CDH6: variants seen among roughly 807,000 people sequenced by gnomAD.
CDH6 encodes cadherin 6.
A neutral mutation model predicts 78.0 loss-of-function variants in CDH6; 31 were observed. That is an observed-to-expected ratio of 0.40 (90% CI 0.30 to 0.54). CDH6 has a LOEUF of 0.54. Among genes scored for constraint, CDH6 ranks in the 20% least tolerant of loss-of-function variants. The pLI, the probability that CDH6 is intolerant of heterozygous loss-of-function variation, is 0.56. For synonymous variants in CDH6, 376 were observed against 368.8 expected, an observed-to-expected ratio of 1.02 and a Z score of -0.23; for missense variants, 724 against 975.9, an observed-to-expected ratio of 0.74 and a Z score of 3.44.
At position 31,302,902 on chromosome 5, in the gene CDH6, AAAAAG is replaced by A. The variant is rs1321037599; in HGVS notation, c.999+608_999+612del. On this transcript the variant is annotated intron_variant, in intron 6 of 11. Transcript: ENST00000265071. ...AGGAAGGAAGGAAAGAAAGAAAGAA[AAAAAG>A]AAAGAAAGAAAGAAAGAAAGAAAGA... is the stretch of plus-strand genomic sequence containing the variant. 1.3e-4 allele frequency among the ~76,000 whole-genome samples: 17 copies of A among 135,818 alleles called. No homozygotes were observed. The East Asian group carries it at 2.1e-3, about 17-fold the overall frequency. The allele number at this position is 135,818 out of a possible 152,430, so 89.1% of individuals were successfully genotyped here.
At chr5:31,250,278 G>A (rs1286287369) in intron 1 of CDH6, 1 of 152,326 alleles carries the variant, frequency 6.6e-6, no homozygotes, top group Non-Finnish European at 1.5e-5. Context: ...ACTTGTGCAT[G>A]GCCCCTAGCA....
intron 1 of CDH6, among the ~76,000 whole-genome samples, chr5:31,211,942 G>A (rs1283481570): frequency 6.6e-6 from 1 of 152,116 alleles, no homozygotes; most frequent in Non-Finnish European, 1.5e-5. Context: ...AACCATAAAA[G>A]CTCCATATTT....
At chr5:31,248,002 A>C (rs73758189) in intron 1 of CDH6, among the ~76,000 whole-genome samples, 2,999 of 152,316 alleles carry the variant, frequency 0.02, 118 homozygotes, top group African/African-American at 0.068. Flanking sequence ...AACGTAATTT[A>C]GTTTTAAAAA....
At chr5:31,274,707 C>A (rs2149937209) in intron 2 of CDH6, among the ~76,000 whole-genome samples, 1 of 152,344 alleles carries the variant, frequency 6.6e-6, no homozygotes, top group African/African-American at 2.4e-5. Flanking sequence ...GGAATCCCAG[C>A]TACTCAGGAG....
At chr5:31,264,354 G>C (rs1468825381) in intron 1 of CDH6, among the ~76,000 whole-genome samples, 1 of 152,098 alleles carries the variant, frequency 6.6e-6, no homozygotes, top group Non-Finnish European at 1.5e-5. Context: ...CCAAATGCCA[G>C]GCACTGTTCT....
intron 11 of CDH6, 111 bp from the exon 12 acceptor site, chr5:31,322,706 AT>A: frequency 7.7e-7 from 1 of 1,304,312 alleles, no homozygotes; most frequent in South Asian, 1.5e-5. Flanking sequence ...TTGAGTCTGC[AT>A]TTTCTAGAGA....
chr5:31,305,709 C>T (rs986377547), intron 7 of CDH6, among the ~76,000 whole-genome samples: 4 of 152,188 alleles, frequency 2.6e-5, no homozygotes, highest in African/African-American at 9.7e-5. Flanking sequence ...GGAAATGACA[C>T]AGATTTGCAA....
intron 1 of CDH6, among the ~76,000 whole-genome samples, chr5:31,204,776 T>G (rs1383785219): frequency 6.6e-6 from 1 of 152,210 alleles, no homozygotes; most frequent in Non-Finnish European, 1.5e-5. Context: ...CTAATGTCTA[T>G]AATCTTGTAA....
chr5:31,305,191 G>A lies in CDH6; in HGVS notation c.1017G>A (p.Lys339=). Residue 339 remains lysine, a synonymous_variant, in exon 7 of 12, where the codon AAG becomes AAA. Transcript: ENST00000265071. Reference sequence around the variant, plus strand: ...ACCTCAAGCTCTTGGACTTTGAAAAGAAGAAAGTGTATACCCTTAAAGTGG... The same window carrying A: ...ACCTCAAGCTCTTGGACTTTGAAAAAAAGAAAGTGTATACCCTTAAAGTGG... ...ITVKKLLDFE[K]KKVYTLKVEA... The A allele has an allele frequency of 6.2e-7, 1 of 1,612,552 alleles. No individual in the cohort carries two copies. Among genetic ancestry groups the A allele is most frequent in the Non-Finnish European group, 8.5e-7 (1 of 1,179,360 alleles).
chr5:31,267,427 C>T lies in CDH6; in HGVS notation c.-47C>T, dbSNP rs1315800182. 6.9e-7 allele frequency: 1 copy of T among 1,441,342 alleles called. No homozygotes were observed. The highest frequency in any genetic ancestry group is 1.7e-5 in the Admixed American group (1 of 59,100). The allele number at this position is 1,441,342 out of a possible 1,614,324, so 89.3% of individuals were successfully genotyped here. On this transcript the variant is annotated 5_prime_UTR_variant, in exon 2 of 12. Coordinates refer to ENST00000265071, the MANE Select transcript of CDH6 (RefSeq NM_004932.4). ...ATACGGTGCAGTGAAAAAGGCACTT[C>T]CAAGAGTGGGGCACTCACTACGCAC... is the stretch of plus-strand genomic sequence containing the variant.
intron 7 of CDH6, 80 bp from the exon 8 acceptor site, chr5:31,313,238 C>G (rs1419661966): frequency 7.8e-7 from 1 of 1,288,786 alleles, no homozygotes; most frequent in Non-Finnish European, 1.1e-6. Flanking sequence ...TGATGTGTAC[C>G]AGATGTTTTA....
At chr5:31,304,556 G>A (rs1163604961) in intron 6 of CDH6, among the ~76,000 whole-genome samples, 1 of 151,974 alleles carries the variant, frequency 6.6e-6, no homozygotes, top group African/African-American at 2.4e-5. Context: ...CTGGTGGTGA[G>A]TGCCTGTAGT....
chr5:31,275,373 G>C (rs1005191932), intron 2 of CDH6, among the ~76,000 whole-genome samples: 3 of 151,964 alleles, frequency 2.0e-5, no homozygotes, highest in Admixed American at 1.3e-4. Flanking sequence ...CACTCTAGTA[G>C]TCCCCAGTGC....
chr5:31,318,455 A>G (rs1738390217), intron 11 of CDH6: 1 of 245,940 alleles, frequency 4.1e-6, no homozygotes, highest in African/African-American at 2.2e-5. Context: ...TCTTAGCATT[A>G]CTCTCTGATT....
At chr5:31,262,181 C>T (rs187220801) in intron 1 of CDH6, among the ~76,000 whole-genome samples, 3 of 152,162 alleles carry the variant, frequency 2.0e-5, no homozygotes, top group South Asian at 4.1e-4. Flanking sequence ...CAAAATGGCA[C>T]GTATTAAATA....
In CDH6 at chr5:31,327,003, G is replaced by C. The variant is rs1738639835; in HGVS notation, c.*3695G>C. On this transcript the variant is annotated 3_prime_UTR_variant, in exon 12 of 12. Coordinates refer to ENST00000265071, the MANE Select transcript of CDH6 (RefSeq NM_004932.4). ...GCCACCGCGCCCGGCCTTAAAAATT[G>C]AATCTGTAGCTTAGGCCATCCAAAT... 5.7e-6 allele frequency: 1 copy of C among 174,244 alleles called. No individual in the cohort carries two copies. Among genetic ancestry groups the C allele is most frequent in the Non-Finnish European group, 1.2e-5 (1 of 80,740 alleles). 10.8% of individuals were successfully genotyped at this position (174,244 alleles called of 1,614,324 possible).
chr5:31,208,676 G>T (rs1740607379), intron 1 of CDH6, among the ~76,000 whole-genome samples: 1 of 152,066 alleles, frequency 6.6e-6, no homozygotes, highest in Non-Finnish European at 1.5e-5. Context: ...CTTTTAGTTT[G>T]TTATCAACCC....
At chr5:31,202,614 T>A (rs1409551634) in intron 1 of CDH6, among the ~76,000 whole-genome samples, 2 of 151,552 alleles carry the variant, frequency 1.3e-5, no homozygotes, top group African/African-American at 4.9e-5. Context: ...CCAGCCTGGG[T>A]GATAAGAGCA....
intron 1 of CDH6, among the ~76,000 whole-genome samples, chr5:31,230,719 G>C (rs1219817834): frequency 3.9e-5 from 6 of 152,116 alleles, no homozygotes; most frequent in African/African-American, 1.4e-4. Flanking sequence ...GTGTCCTCAA[G>C]TAGAACAACA....
Sources: allele counts gnomAD v4.1 joint callset (sites outside exome capture counted in the v4.1 genomes callset), GRCh38; gene constraint gnomAD v4.1.1; transcripts MANE v1.5; gene names NCBI Gene and HGNC (gene_info 2026-07-23, HGNC 2026-07-21).